Variants in UGGT2 observed in about 807,000 individuals in gnomAD.
UGGT2 encodes the protein UDP-glucose:glycoprotein glucosyltransferase 2.
A neutral mutation model predicts 192.1 loss-of-function variants in UGGT2; 180 were observed. The ratio of observed to expected loss-of-function variants is 0.94; its 90% confidence interval spans 0.83 to 1.06. The LOEUF (loss-of-function observed/expected upper bound fraction) is 1.06. Among genes scored for constraint, UGGT2 ranks in the 50% least tolerant of loss-of-function variants. The pLI, the probability that UGGT2 is intolerant of heterozygous loss-of-function variation, is 0.00. For synonymous variants in UGGT2, 580 were observed against 591.0 expected (o/e 0.98, Z 0.27); for missense variants, 1,849 against 1,795.7 (o/e 1.03, Z -0.54).
chr13:95,883,636 G>A (rs998522962), intron 27 of UGGT2, among the ~76,000 whole-genome samples: 6 of 152,062 alleles, frequency 3.9e-5, no homozygotes, highest in Non-Finnish European at 5.9e-5. Flanking sequence ...CATGTGAGAT[G>A]TGCCTGGCTT....
At position 95,992,395 on chromosome 13, in the gene UGGT2, A is replaced by G. The variant is rs530830144; in HGVS notation, c.831-2322T>C. On this transcript the variant is annotated intron_variant, in intron 7 of 38. Transcript: ENST00000376747. ...GCAGTGTTTTGTAGTTCTTGTGGAG[A>G]TGGTTCACCTCCTTGGTTAAATGTA... 7.2e-5 allele frequency among the ~76,000 whole-genome samples: 11 copies of G among 152,124 alleles called. No individual in the cohort carries two copies. The South Asian group carries it at 2.3e-3, about 32-fold the overall frequency.
intron 27 of UGGT2, among the ~76,000 whole-genome samples, chr13:95,881,056 C>T (rs1241884421): frequency 1.3e-5 from 2 of 152,108 alleles, no homozygotes; most frequent in Admixed American, 6.5e-5. Context: ...CGCCTGCAGT[C>T]CTAGCTACTC....
At chr13:96,051,713 C>T (rs2053491977) in intron 1 of UGGT2, among the ~76,000 whole-genome samples, 1 of 151,394 alleles carries the variant, frequency 6.6e-6, no homozygotes, top group Non-Finnish European at 1.5e-5. Context: ...ATATAAATGG[C>T]TAACATGAAA....
chr13:96,053,047 T>C lies in UGGT2; in HGVS notation c.158+108A>G, dbSNP rs1417927620. 2.9e-6 allele frequency: 4 copies of C among 1,364,844 alleles called. No homozygotes were observed. In the African/African-American group the frequency reaches 4.6e-5, roughly 16 times the overall value. 84.5% of individuals were successfully genotyped at this position (1,364,844 alleles called of 1,614,324 possible). A position where few individuals can be genotyped will look rare whatever the true frequency, so the allele number is the denominator to read the frequency against. On this transcript the variant is annotated intron_variant, in intron 1 of 38. Coordinates refer to ENST00000376747, the MANE Select transcript of UGGT2 (RefSeq NM_020121.4). ...TGCTCAGGGCCAGAGCGGGGGCGTC[T>C]GGAGAACCCGGGTGGGAGCCAGACA...
chr13:96,012,400 T>A (rs114349326), intron 5 of UGGT2, among the ~76,000 whole-genome samples: 112 of 151,896 alleles, frequency 7.4e-4, no homozygotes, highest in African/African-American at 2.5e-3. Context: ...TCTGACTATA[T>A]CACAAGTAAT....
intron 18 of UGGT2, 35 bp downstream of exon 18, chr13:95,927,178 A>G (rs1233252151): frequency 1.2e-6 from 2 of 1,608,306 alleles, no homozygotes; most frequent in African/African-American, 1.3e-5. Flanking sequence ...TCACAACTCA[A>G]TAAACATTTG....
At chr13:96,044,974 C>A (rs994381262) in intron 1 of UGGT2, among the ~76,000 whole-genome samples, 2 of 152,092 alleles carry the variant, frequency 1.3e-5, no homozygotes, top group African/African-American at 4.8e-5. Flanking sequence ...AAGAGGGAAT[C>A]CTCCTGAAAT....
chr13:95,932,821 AT>A (rs1028756482), intron 17 of UGGT2, among the ~76,000 whole-genome samples: 4 of 152,022 alleles, frequency 2.6e-5, no homozygotes, highest in Non-Finnish European at 4.4e-5. Flanking sequence ...TTATTGAATA[AT>A]TTTTCAGCAT....
intron 19 of UGGT2, among the ~76,000 whole-genome samples, chr13:95,926,648 G>A (rs2140434798): frequency 6.6e-6 from 1 of 152,150 alleles, no homozygotes; most frequent in Non-Finnish European, 1.5e-5. Context: ...TCTTCTGGTT[G>A]TAACCCCTAC....
At chr13:95,905,155 C>T (rs1336358012) in intron 20 of UGGT2, among the ~76,000 whole-genome samples, 5 of 151,964 alleles carry the variant, frequency 3.3e-5, no homozygotes, top group East Asian at 1.9e-4. Context: ...TTGTTTTTTT[C>T]GTGTAAATTT....
chr13:95,965,527 G>A (rs1445687743), intron 12 of UGGT2, among the ~76,000 whole-genome samples: 3 of 147,304 alleles, frequency 2.0e-5, no homozygotes, highest in Non-Finnish European at 4.5e-5. Flanking sequence ...TCACTCATAG[G>A]TGGGAATTGA....
intron 15 of UGGT2, among the ~76,000 whole-genome samples, chr13:95,945,438 C>T (rs1385333741): frequency 4.6e-5 from 7 of 152,080 alleles, no homozygotes; most frequent in Non-Finnish European, 1.0e-4. Context: ...TACTTTTATG[C>T]TGCTTTGTAT....
intron 20 of UGGT2, among the ~76,000 whole-genome samples, chr13:95,921,098 A>T (rs2048830865): frequency 6.6e-6 from 1 of 152,148 alleles, no homozygotes; most frequent in Non-Finnish European, 1.5e-5. Flanking sequence ...CAGGAACAGA[A>T]AACCAAACAC....
intron 36 of UGGT2, among the ~76,000 whole-genome samples, chr13:95,850,293 T>A (rs1436350485): frequency 6.6e-6 from 1 of 152,132 alleles, no homozygotes; most frequent in Non-Finnish European, 1.5e-5. Flanking sequence ...TAAGAAGTGG[T>A]GAATGGCTTG....
At chr13:95,993,492 A>G (rs1204079133) in intron 7 of UGGT2, among the ~76,000 whole-genome samples, 2 of 152,360 alleles carry the variant, frequency 1.3e-5, no homozygotes, top group East Asian at 3.9e-4. Context: ...GTTATATTCA[A>G]AAGAGAAAAG....
At chr13:95,826,855 C>T (rs1277230780) in intron 38 of UGGT2, among the ~76,000 whole-genome samples, 5 of 151,482 alleles carry the variant, frequency 3.3e-5, no homozygotes, top group African/African-American at 9.7e-5. Context: ...GATTCTAAGG[C>T]TTGTATGGAA....
chr13:95,829,396 G>T (rs1032529864), intron 38 of UGGT2, among the ~76,000 whole-genome samples: 1 of 152,176 alleles, frequency 6.6e-6, no homozygotes, highest in Admixed American at 6.5e-5. Flanking sequence ...GTTTGCAGAT[G>T]ACATGATTGT....
At chr13:96,051,861 C>CA (rs774751412) in intron 1 of UGGT2, among the ~76,000 whole-genome samples, 1 of 152,160 alleles carries the variant, frequency 6.6e-6, no homozygotes, top group Non-Finnish European at 1.5e-5. Flanking sequence ...GAACAGGGAA[C>CA]ACTTCTACAC....
chr13:95,867,071 A>G (rs1890734599), intron 30 of UGGT2, among the ~76,000 whole-genome samples: 1 of 152,116 alleles, frequency 6.6e-6, no homozygotes, highest in South Asian at 2.1e-4. Flanking sequence ...CTAGAGTCCA[A>G]TTTGTAATGT....
Sources: allele counts gnomAD v4.1 joint callset (sites outside exome capture counted in the v4.1 genomes callset), GRCh38; gene constraint gnomAD v4.1.1; transcripts MANE v1.5; gene names NCBI Gene and HGNC (gene_info 2026-07-23, HGNC 2026-07-21).